The following CDH8 variants were observed in gnomAD, a reference collection of about 807,000 sequenced individuals.
The protein encoded by CDH8 is cadherin-8.
Under a neutral mutation model 68.1 loss-of-function variants are expected in CDH8, and 17 were observed. That is an observed-to-expected ratio of 0.25 (90% CI 0.17 to 0.37). The LOEUF is 0.37. Among genes scored for constraint, CDH8 ranks in the 10% least tolerant of loss-of-function variants. The pLI is 1.00. For missense variants in CDH8, 763 were observed against 999.3 expected (o/e 0.76, Z 3.19); for synonymous variants, 372 against 365.1 (o/e 1.02, Z -0.21).
At chr16:61,854,000 A>G (rs915031137) in intron 4 of CDH8, among the ~76,000 whole-genome samples, 3 of 152,026 alleles carry the variant, frequency 2.0e-5, no homozygotes, top group African/African-American at 7.2e-5. Context: ...ATATATGTAT[A>G]TACATATGTA....
intron 8 of CDH8, among the ~76,000 whole-genome samples, chr16:61,778,371 C>G (rs1960953806): frequency 6.6e-6 from 1 of 152,028 alleles, no homozygotes; most frequent in South Asian, 2.1e-4. Context: ...AGCCATTGAT[C>G]AATCTACCAT....
At chr16:62,014,669 G>GTAAATCA (rs1369183139) in intron 2 of CDH8, among the ~76,000 whole-genome samples, 12 of 152,248 alleles carry the variant, frequency 7.9e-5, no homozygotes, top group Non-Finnish European at 1.6e-4. Context: ...TGATTTCCAA[G>GTAAATCA]TTACAGTAAA....
At chr16:61,885,148 A>T (rs1393259232) in intron 3 of CDH8, among the ~76,000 whole-genome samples, 1 of 152,200 alleles carries the variant, frequency 6.6e-6, no homozygotes, top group Non-Finnish European at 1.5e-5. Context: ...TAATGACTAC[A>T]AAGCAGACAA....
At chr16:61,863,280 C>A (rs761924811) in intron 3 of CDH8, among the ~76,000 whole-genome samples, 10 of 152,142 alleles carry the variant, frequency 6.6e-5, no homozygotes, top group South Asian at 2.1e-4. Flanking sequence ...TCTTGCCACA[C>A]CTGAAAGTTT....
At chr16:61,699,127 G>A (rs1964377214) in intron 10 of CDH8, among the ~76,000 whole-genome samples, 1 of 151,988 alleles carries the variant, frequency 6.6e-6, no homozygotes, top group Non-Finnish European at 1.5e-5. Flanking sequence ...CTGAATTATG[G>A]TACTAAAAAT....
chr16:61,924,019 A>C (rs1027371909), intron 2 of CDH8, among the ~76,000 whole-genome samples: 1 of 151,632 alleles, frequency 6.6e-6, no homozygotes, highest in African/African-American at 2.4e-5. Context: ...ACCAAAAAAA[A>C]ACTTGGATTT....
intron 2 of CDH8, among the ~76,000 whole-genome samples, chr16:61,981,688 G>GCGCGCGCA (rs1965533267): frequency 6.6e-6 from 1 of 152,102 alleles, no homozygotes; most frequent in Admixed American, 6.5e-5. Context: ...GTGTGCGCGC[G>GCGCGCGCA]CGCGCGTGCG....
intron 8 of CDH8, among the ~76,000 whole-genome samples, chr16:61,775,193 A>G (rs993031741): frequency 6.6e-6 from 1 of 152,140 alleles, no homozygotes; most frequent in Non-Finnish European, 1.5e-5. Context: ...GGGAGATCCC[A>G]TCTTTATTTT....
At chr16:61,683,899 T>C (rs1312201223) in intron 10 of CDH8, among the ~76,000 whole-genome samples, 1 of 151,722 alleles carries the variant, frequency 6.6e-6, no homozygotes, top group Non-Finnish European at 1.5e-5. Context: ...AGAACAAAGA[T>C]TCTATGAAAG....
At chr16:61,798,762 A>G (rs1035648516) in intron 7 of CDH8, among the ~76,000 whole-genome samples, 5 of 152,328 alleles carry the variant, frequency 3.3e-5, no homozygotes, top group Admixed American at 3.3e-4. Context: ...GGAAGTGAAG[A>G]AGTCTTGAAG....
At chr16:61,992,856 A>T (rs1965749101) in intron 2 of CDH8, among the ~76,000 whole-genome samples, 1 of 151,856 alleles carries the variant, frequency 6.6e-6, no homozygotes, top group South Asian at 2.1e-4. Flanking sequence ...TGGCACAATC[A>T]TGGCCCACTG....
chr16:61,895,896 G>A (rs1963861436), intron 3 of CDH8, among the ~76,000 whole-genome samples: 1 of 151,960 alleles, frequency 6.6e-6, no homozygotes, highest in South Asian at 2.1e-4. Context: ...AGGGATTATT[G>A]TATACACTAT....
At chr16:61,669,056 G>A (rs1286909582) in intron 10 of CDH8, among the ~76,000 whole-genome samples, 5 of 152,004 alleles carry the variant, frequency 3.3e-5, no homozygotes, top group Non-Finnish European at 5.9e-5. Flanking sequence ...AAGGTAGTGT[G>A]TTTTCTAAAT....
chr16:61,927,061 G>A (rs1423441718), intron 2 of CDH8, among the ~76,000 whole-genome samples: 4 of 152,082 alleles, frequency 2.6e-5, no homozygotes, highest in African/African-American at 7.2e-5. Context: ...ATTTTGCCTT[G>A]ATTCACTTGT....
intron 7 of CDH8, among the ~76,000 whole-genome samples, chr16:61,798,453 A>G (rs928133621): frequency 1.3e-5 from 2 of 152,178 alleles, no homozygotes; most frequent in African/African-American, 4.8e-5. Flanking sequence ...ACCACTAACT[A>G]TATGTGGCTA....
intron 10 of CDH8, among the ~76,000 whole-genome samples, chr16:61,697,843 A>G (rs1964356927): frequency 1.3e-5 from 2 of 152,360 alleles, no homozygotes; most frequent in East Asian, 3.9e-4. Flanking sequence ...TGCAGAGCAG[A>G]TAAGCCAGCA....
Position 62,021,160 on chromosome 16 carries a change from C to G in CDH8, c.244G>C (p.Val82Leu), listed in dbSNP as rs1424677762. 3 of 1,613,770 alleles carry G rather than the reference C, an allele frequency of 1.9e-6. No homozygotes were observed. The highest frequency in any genetic ancestry group is 2.5e-6 in the Non-Finnish European group (3 of 1,179,876). Residue 82 changes from valine to leucine, a missense_variant, in exon 2 of 12, where the codon GTT becomes CTT. Physicochemically the swap from Val to Leu is conservative, Grantham distance 32 (BLOSUM62 1). Transcript: ENST00000577390. ...EEFSGPEPIL[V>L]GRLHTDLDPG... ...TTAAAAACAAAGCTTACCCGGCCAA[C>G]AAGAATCGGTTCAGGTCCAGAAAAC...
chr16:61,990,305 C>CTTTT (rs71134381), intron 2 of CDH8, among the ~76,000 whole-genome samples: 9 of 82,982 alleles, frequency 1.1e-4, no homozygotes, highest in African/African-American at 2.8e-4. Flanking sequence ...TGAAGAAGTC[C>CTTTT]TTTTTTTTTT....
At chr16:61,716,061 G>A (rs375126144) in intron 9 of CDH8, among the ~76,000 whole-genome samples, 1 of 151,782 alleles carries the variant, frequency 6.6e-6, no homozygotes, top group East Asian at 2.0e-4. Context: ...TGCAACCATT[G>A]AAGATGTAAT....
Sources: gnomAD v4.1 joint callset for allele counts (sites outside exome capture counted in the v4.1 genomes callset) on GRCh38, gnomAD v4.1.1 for gene constraint, MANE v1.5 for transcripts, NCBI Gene and HGNC (gene_info 2026-07-23, HGNC 2026-07-21) for gene names.